The following DOCK3 variants were observed in gnomAD, a reference collection of about 807,000 sequenced individuals.
The protein encoded by DOCK3 is dedicator of cytokinesis protein 3.
Under a neutral mutation model 265.6 loss-of-function variants are expected in DOCK3, and 60 were observed. That is an observed-to-expected ratio of 0.23 (90% CI 0.18 to 0.28). The LOEUF (loss-of-function observed/expected upper bound fraction) is 0.28, where lower values mean the gene tolerates loss of function less well. Among genes scored for constraint, DOCK3 ranks in the 10% least tolerant of loss-of-function variants. The probability of loss-of-function intolerance (pLI) is 1.00; values close to 1 mark genes in which losing one functional copy is unlikely to be tolerated. For synonymous variants in DOCK3, 881 were observed against 938.0 expected (o/e 0.94, Z 1.11); for missense variants, 1,981 against 2,594.3 (o/e 0.76, Z 5.14).
chr3:51,292,868 A>G (rs1259162741), intron 27 of DOCK3, among the ~76,000 whole-genome samples: 1 of 151,976 alleles, frequency 6.6e-6, no homozygotes, highest in Non-Finnish European at 1.5e-5. Context: ...TTTGGTAGAG[A>G]TGGGGTTTTA....
At chr3:51,250,804 A>C (rs1240780168) in intron 22 of DOCK3, among the ~76,000 whole-genome samples, 1 of 152,202 alleles carries the variant, frequency 6.6e-6, no homozygotes, top group Non-Finnish European at 1.5e-5. Context: ...CAGACTGAGG[A>C]AACAGAATAT....
chr3:51,023,508 T>C (rs1194593813), intron 5 of DOCK3, among the ~76,000 whole-genome samples: 1 of 150,520 alleles, frequency 6.6e-6, no homozygotes, highest in Non-Finnish European at 1.5e-5. Context: ...CTCTGCCTCA[T>C]GGGTTTAAGC....
chr3:51,031,623 G>A (rs1372414219), intron 5 of DOCK3, among the ~76,000 whole-genome samples: 4 of 152,180 alleles, frequency 2.6e-5, no homozygotes, highest in African/African-American at 9.7e-5. Context: ...AGGGACAAAA[G>A]CAGTATTCAA....
chr3:51,357,725 A>T, intron 44 of DOCK3, 33 bp from the exon 45 acceptor site: 1 of 1,610,704 alleles, frequency 6.2e-7, no homozygotes, highest in Non-Finnish European at 8.5e-7. Context: ...AGTCCTGGGA[A>T]GAGTCTTCCT....
At chr3:51,021,195 A>T (rs2079574908) in intron 5 of DOCK3, among the ~76,000 whole-genome samples, 1 of 151,930 alleles carries the variant, frequency 6.6e-6, no homozygotes, top group Middle Eastern at 3.4e-3. Flanking sequence ...TTTCCAACCT[A>T]GCAAAACAGG....
chr3:50,884,043 G>A (rs376692959), intron 3 of DOCK3, among the ~76,000 whole-genome samples: 5 of 149,646 alleles, frequency 3.3e-5, no homozygotes, highest in East Asian at 3.9e-4. Flanking sequence ...ATTCATGTAC[G>A]TTCCTTTTTA....
intron 1 of DOCK3, among the ~76,000 whole-genome samples, chr3:50,716,309 C>T (rs941325861): frequency 7.2e-5 from 11 of 152,074 alleles, no homozygotes; most frequent in African/African-American, 1.7e-4. Flanking sequence ...GGGCGGATCA[C>T]GAAGTCAGGA....
chr3:50,892,631 A>G (rs1203216955), intron 4 of DOCK3, among the ~76,000 whole-genome samples: 2 of 152,202 alleles, frequency 1.3e-5, no homozygotes, highest in African/African-American at 2.4e-5. Context: ...CCTCACCCAG[A>G]GTGCTGGAGT....
intron 1 of DOCK3, among the ~76,000 whole-genome samples, chr3:50,751,627 TA>T (rs539311515): frequency 2.0e-5 from 3 of 152,346 alleles, no homozygotes; most frequent in African/African-American, 7.2e-5. Context: ...GTTAATTACA[TA>T]TATGATGGCA....
intron 9 of DOCK3, among the ~76,000 whole-genome samples, chr3:51,141,455 T>C (rs1313524473): frequency 6.6e-6 from 1 of 152,168 alleles, no homozygotes; most frequent in Non-Finnish European, 1.5e-5. Flanking sequence ...TAGTTTTAGC[T>C]CTTATATGTA....
At chr3:50,858,624 G>A (rs1041238156) in intron 3 of DOCK3, among the ~76,000 whole-genome samples, 1 of 151,944 alleles carries the variant, frequency 6.6e-6, no homozygotes, top group Admixed American at 6.6e-5. Context: ...ACAGTTATGT[G>A]TCTTGGGGAT....
intron 23 of DOCK3, among the ~76,000 whole-genome samples, chr3:51,263,724 C>T (rs560175014): frequency 8.8e-4 from 134 of 152,200 alleles, no homozygotes; most frequent in African/African-American, 3.1e-3. Flanking sequence ...GGATGGAGGA[C>T]TATTTACCAA....
intron 1 of DOCK3, among the ~76,000 whole-genome samples, chr3:50,717,783 C>T (rs770855950): frequency 6.6e-5 from 10 of 151,992 alleles, no homozygotes; most frequent in African/African-American, 9.7e-5. Context: ...CCACCATGCC[C>T]GGCTAATTTT....
chr3:51,086,454 C>G (rs978392396), intron 7 of DOCK3, among the ~76,000 whole-genome samples: 2 of 151,714 alleles, frequency 1.3e-5, no homozygotes, highest in African/African-American at 4.8e-5. Flanking sequence ...CCCAGCAGTC[C>G]AAAATAAAGT....
chr3:51,164,361 G>A (rs943823400), intron 12 of DOCK3, among the ~76,000 whole-genome samples: 78 of 152,100 alleles, frequency 5.1e-4, no homozygotes, highest in African/African-American at 1.6e-3. Context: ...GGTGGCTCAC[G>A]CCTGTAATCC....
rs146177239 is a variant in DOCK3 at position 51,090,417 on chromosome 3, A to G, written c.746+33A>G. 7,713 of 1,582,450 alleles carry G rather than the reference A, an allele frequency of 4.9e-3. 32 individuals carry two copies. The highest frequency in any genetic ancestry group is 6.0e-3 in the Non-Finnish European group (6,926 of 1,163,446). On this transcript the variant is annotated intron_variant, in intron 9 of 52. Transcript: ENST00000266037. ...TCACTGGAAATTCTGGTGAGGTTCT[A>G]TGTTAGGATGGTATGGGTCATAGGC...
intron 1 of DOCK3, among the ~76,000 whole-genome samples, chr3:50,699,138 T>C (rs1046830467): frequency 1.3e-5 from 2 of 152,198 alleles, no homozygotes; most frequent in Non-Finnish European, 1.5e-5. Flanking sequence ...TATGTGGATA[T>C]TGTTTTTTCA....
intron 10 of DOCK3, among the ~76,000 whole-genome samples, chr3:51,155,003 G>A (rs1434437524): frequency 6.6e-6 from 1 of 152,006 alleles, no homozygotes; most frequent in East Asian, 1.9e-4. Context: ...TGCAGTCAGG[G>A]TCTCACTCTG....
At chr3:51,183,972 T>C (rs1351104422) in intron 12 of DOCK3, among the ~76,000 whole-genome samples, 1 of 152,148 alleles carries the variant, frequency 6.6e-6, no homozygotes, top group Non-Finnish European at 1.5e-5. Flanking sequence ...GCAATGACCA[T>C]ACCTAGAGCC....
Sources: gnomAD v4.1 joint callset for allele counts (sites outside exome capture counted in the v4.1 genomes callset) on GRCh38, gnomAD v4.1.1 for gene constraint, MANE v1.5 for transcripts, NCBI Gene and HGNC (gene_info 2026-07-23, HGNC 2026-07-21) for gene names.